The following CDK14 variants were observed in gnomAD, a reference collection of about 807,000 sequenced individuals.
CDK14 encodes the protein cyclin-dependent kinase 14.
CDK14 carries 34 observed loss-of-function variants against 60.7 expected under a neutral mutation model. The observed-to-expected ratio is 0.56, with a 90% confidence interval of 0.43 to 0.75. CDK14 has a LOEUF of 0.75. Among genes scored for constraint, CDK14 ranks in the 30% least tolerant of loss-of-function variants. CDK14 has a pLI of 0.00. For synonymous variants in CDK14, 197 were observed against 203.7 expected, an observed-to-expected ratio of 0.97 and a Z score of 0.28; for missense variants, 482 against 564.1, an observed-to-expected ratio of 0.85 and a Z score of 1.47.
intron 5 of CDK14, among the ~76,000 whole-genome samples, chr7:90,855,395 T>C (rs2117194399): frequency 6.6e-6 from 1 of 152,340 alleles, no homozygotes; most frequent in South Asian, 2.1e-4. Context: ...AATAGTGTTG[T>C]TTCAGTTCTT....
chr7:90,804,371 CA>C (rs1321675858), intron 5 of CDK14, among the ~76,000 whole-genome samples: 4 of 152,094 alleles, frequency 2.6e-5, no homozygotes, highest in African/African-American at 9.7e-5. Context: ...TGCATACATG[CA>C]GTAATATGAT....
chr7:90,975,009 T>G (rs1795028796), intron 9 of CDK14, among the ~76,000 whole-genome samples: 1 of 152,184 alleles, frequency 6.6e-6, no homozygotes, highest in South Asian at 2.1e-4. Flanking sequence ...ATCTTTGTTC[T>G]GAGAAAGGTA....
intron 2 of CDK14, among the ~76,000 whole-genome samples, chr7:90,683,112 A>G (rs1315861152): frequency 1.3e-5 from 2 of 152,164 alleles, no homozygotes; most frequent in African/African-American, 4.8e-5. Flanking sequence ...TATTTCCCCT[A>G]GAGTTAGCAT....
At chr7:90,955,880 G>T in intron 9 of CDK14, 63 bp downstream of exon 9, 1 of 1,578,570 alleles carries the variant, frequency 6.3e-7, no homozygotes, top group East Asian at 2.3e-5. Flanking sequence ...GTCAAGCCTA[G>T]ACAAACATCC....
chr7:90,682,269 T>C (rs1449618308), intron 2 of CDK14, among the ~76,000 whole-genome samples: 1 of 152,208 alleles, frequency 6.6e-6, no homozygotes, highest in Non-Finnish European at 1.5e-5. Context: ...AAAAAAAGAC[T>C]TGACCTGTTT....
intron 7 of CDK14, among the ~76,000 whole-genome samples, chr7:90,911,179 C>CA (rs561658086): frequency 3.5e-4 from 53 of 152,210 alleles, no homozygotes; most frequent in African/African-American, 1.1e-3. Context: ...ATACACTTAG[C>CA]AAAATGTCTA....
chr7:91,190,011 A>G (rs1802309150), intron 14 of CDK14, among the ~76,000 whole-genome samples: 1 of 152,200 alleles, frequency 6.6e-6, no homozygotes, highest in Non-Finnish European at 1.5e-5. Context: ...TCTCCTTAGG[A>G]TTGTTTTCAA....
intron 4 of CDK14, among the ~76,000 whole-genome samples, chr7:90,770,544 C>T (rs11763871): frequency 4.9e-4 from 75 of 152,234 alleles, no homozygotes; most frequent in African/African-American, 1.6e-3. Context: ...GTAATACAAA[C>T]GTGGATTGAT....
intron 3 of CDK14, among the ~76,000 whole-genome samples, chr7:90,733,623 G>A (rs570080543): frequency 2.0e-5 from 3 of 151,392 alleles, no homozygotes; most frequent in South Asian, 2.1e-4. Flanking sequence ...CTGTTTTATC[G>A]AGTGCAACCC....
intron 5 of CDK14, among the ~76,000 whole-genome samples, chr7:90,848,877 T>A (rs993067560): frequency 3.0e-4 from 46 of 152,222 alleles, no homozygotes; most frequent in African/African-American, 1.1e-3. Context: ...AAAATTGATA[T>A]AATTTTATTT....
At chr7:90,875,182 C>T (rs1268163624) in intron 6 of CDK14, among the ~76,000 whole-genome samples, 3 of 152,176 alleles carry the variant, frequency 2.0e-5, no homozygotes, top group East Asian at 1.9e-4. Flanking sequence ...TGTAGCTTTT[C>T]TCAGTACTTC....
intron 10 of CDK14, among the ~76,000 whole-genome samples, chr7:90,994,937 C>A (rs1420857815): frequency 2.0e-5 from 3 of 152,186 alleles, no homozygotes; most frequent in Non-Finnish European, 4.4e-5. Context: ...GTAAAACTTT[C>A]ATTTGCAGAA....
chr7:90,775,126 T>A (rs73707876), intron 4 of CDK14, among the ~76,000 whole-genome samples: 2,299 of 152,288 alleles, frequency 0.015, 49 homozygotes, highest in African/African-American at 0.051. Context: ...CATTTATGAC[T>A]CTGCTCAAGA....
chr7:90,613,618 C>CA (rs1799589167), intron 2 of CDK14, among the ~76,000 whole-genome samples: 1 of 152,026 alleles, frequency 6.6e-6, no homozygotes, highest in Non-Finnish European at 1.5e-5. Context: ...ACCTGGGAGT[C>CA]AGAGTTTGCA....
intron 14 of CDK14, among the ~76,000 whole-genome samples, chr7:91,127,091 G>A (rs1389105397): frequency 6.6e-6 from 1 of 152,122 alleles, no homozygotes; most frequent in Non-Finnish European, 1.5e-5. Context: ...CTTAACTGGA[G>A]GGAGCAGGGA....
chr7:90,886,434 C>G (rs917599430), intron 6 of CDK14, among the ~76,000 whole-genome samples: 8 of 152,088 alleles, frequency 5.3e-5, no homozygotes, highest in Non-Finnish European at 1.2e-4. Context: ...ATTTGAGCAC[C>G]AATAACTTCT....
chr7:91,184,420 C>T (rs1485042055), intron 14 of CDK14, among the ~76,000 whole-genome samples: 1 of 151,968 alleles, frequency 6.6e-6, no homozygotes, highest in Non-Finnish European at 1.5e-5. Flanking sequence ...AGAAAGAGTG[C>T]TTGTTGATTC....
intron 10 of CDK14, among the ~76,000 whole-genome samples, chr7:91,013,656 G>GTTTTTTT (rs56934476): frequency 1.5e-4 from 19 of 123,372 alleles, no homozygotes; most frequent in East Asian, 4.9e-4. Context: ...CATTGCCTCT[G>GTTTTTTT]TTTTTTTTTT....
intron 4 of CDK14, among the ~76,000 whole-genome samples, chr7:90,776,470 C>T (rs1210842390): frequency 6.6e-6 from 1 of 152,120 alleles, no homozygotes; most frequent in Non-Finnish European, 1.5e-5. Context: ...AATCAAACAT[C>T]AAAGCAGATA....
Sources: allele counts gnomAD v4.1 joint callset (sites outside exome capture counted in the v4.1 genomes callset), GRCh38; gene constraint gnomAD v4.1.1; transcripts MANE v1.5; gene names NCBI Gene and HGNC (gene_info 2026-07-23, HGNC 2026-07-21).